Variants in SPMAP2L observed in about 807,000 individuals in gnomAD.
SPMAP2L encodes sperm microtubule associated protein 2 like.
At chr4:56,530,629 A>G in the SPMAP2L span, 6 of 1,508,304 alleles carry the variant, frequency 4.0e-6, no homozygotes, top group African/African-American at 2.8e-5. Context: ...CGCCTGGGCA[A>G]CCAGTCGGGA....
chr4:56,619,742 G>C, the SPMAP2L span, among the ~76,000 whole-genome samples: 3 of 152,274 alleles, frequency 2.0e-5, no homozygotes, highest in Non-Finnish European at 2.9e-5. Flanking sequence ...GAACTAAAAA[G>C]CTTCTGCAGA....
At chr4:56,563,765 CAT>C in the SPMAP2L span, among the ~76,000 whole-genome samples, 1 of 152,140 alleles carries the variant, frequency 6.6e-6, no homozygotes, top group African/African-American at 2.4e-5. Flanking sequence ...CATCCATAGA[CAT>C]TATGTACACT....
chr4:56,556,007 G>A, the SPMAP2L span, among the ~76,000 whole-genome samples: 1 of 152,074 alleles, frequency 6.6e-6, no homozygotes, highest in East Asian at 1.9e-4. Flanking sequence ...CACCCTATTT[G>A]AAAACAATAG....
At chr4:56,538,060 A>T in the SPMAP2L span, among the ~76,000 whole-genome samples, 1 of 152,218 alleles carries the variant, frequency 6.6e-6, no homozygotes, top group South Asian at 2.1e-4. Flanking sequence ...CTGCAGCCCT[A>T]TGGCTACCGC....
At chr4:56,615,607 G>A in the SPMAP2L span, among the ~76,000 whole-genome samples, 1 of 152,170 alleles carries the variant, frequency 6.6e-6, no homozygotes, top group Non-Finnish European at 1.5e-5. Flanking sequence ...AATTAGCTGG[G>A]CATGGTGGCG....
the SPMAP2L span, among the ~76,000 whole-genome samples, chr4:56,559,717 A>G: frequency 5.3e-5 from 8 of 151,954 alleles, no homozygotes; most frequent in African/African-American, 1.9e-4. Flanking sequence ...ACAGTCACAC[A>G]CCACCACACC....
chr4:56,549,006 T>A, the SPMAP2L span, among the ~76,000 whole-genome samples: 1 of 150,792 alleles, frequency 6.6e-6, no homozygotes. Flanking sequence ...TTTTTTTTTT[T>A]GAGACAGAGT....
the SPMAP2L span, among the ~76,000 whole-genome samples, chr4:56,559,960 G>A: frequency 6.6e-6 from 1 of 152,152 alleles, no homozygotes; most frequent in Admixed American, 6.5e-5. Flanking sequence ...GAGAATTAGG[G>A]ATTCTATATC....
the SPMAP2L span, among the ~76,000 whole-genome samples, chr4:56,561,360 C>A: frequency 6.6e-6 from 1 of 152,080 alleles, no homozygotes; most frequent in Non-Finnish European, 1.5e-5. Flanking sequence ...ATACCTGAAG[C>A]TGGGTAATTT....
At chr4:56,614,724 C>A in the SPMAP2L span, among the ~76,000 whole-genome samples, 1 of 152,274 alleles carries the variant, frequency 6.6e-6, no homozygotes. Flanking sequence ...GGATGAAACA[C>A]TTCTGAGTAC....
chr4:56,552,476 A>ATGGGGTTTGTT, the SPMAP2L span: 1 of 786,076 alleles, frequency 1.3e-6, no homozygotes, highest in South Asian at 1.5e-5. Context: ...CCCCCCTCCT[A>ATGGGGTTTGTT]TGAGCAGGAG....
chr4:56,554,937 CTTT>C, the SPMAP2L span, among the ~76,000 whole-genome samples: 5 of 93,398 alleles, frequency 5.4e-5, no homozygotes, highest in Admixed American at 1.2e-4. Flanking sequence ...ACTATCATTT[CTTT>C]TTTTTTTTTT....
chr4:56,543,947 A>T, the SPMAP2L span, among the ~76,000 whole-genome samples: 422 of 126,604 alleles, frequency 3.3e-3, 4 homozygotes, highest in African/African-American at 0.012. Flanking sequence ...AGAGAGAGAG[A>T]GAGTGTGTGT....
the SPMAP2L span, among the ~76,000 whole-genome samples, chr4:56,621,408 CA>C: frequency 6.6e-6 from 1 of 152,114 alleles, no homozygotes. Flanking sequence ...ATTTAGTTCA[CA>C]AGAATCAAAT....
chr4:56,620,587 G>T, the SPMAP2L span, among the ~76,000 whole-genome samples: 1 of 152,140 alleles, frequency 6.6e-6, no homozygotes, highest in East Asian at 1.9e-4. Context: ...GTTTCTCCAT[G>T]TTGGTCAGGC....
At chr4:56,597,552 A>G in the SPMAP2L span, among the ~76,000 whole-genome samples, 1 of 152,204 alleles carries the variant, frequency 6.6e-6, no homozygotes, top group Admixed American at 6.5e-5. Flanking sequence ...AAAGAAAACC[A>G]TTCTGGGAAT....
the SPMAP2L span, chr4:56,584,407 T>C: frequency 1.3e-5 from 10 of 759,958 alleles, no homozygotes; most frequent in Middle Eastern, 2.6e-4. Flanking sequence ...GTGTATATAA[T>C]CGATTAGAAG....
the SPMAP2L span, among the ~76,000 whole-genome samples, chr4:56,604,682 A>G: frequency 2.6e-5 from 4 of 152,220 alleles, no homozygotes; most frequent in African/African-American, 9.6e-5. Context: ...AAAGAAAAGA[A>G]AAGAAATTTA....
the SPMAP2L span, among the ~76,000 whole-genome samples, chr4:56,564,797 C>T: frequency 6.6e-6 from 1 of 152,070 alleles, no homozygotes; most frequent in Non-Finnish European, 1.5e-5. Flanking sequence ...CTGATACAGT[C>T]ATTAGTGTGA....
Sources: allele counts gnomAD v4.1 joint callset (sites outside exome capture counted in the v4.1 genomes callset), GRCh38; gene constraint gnomAD v4.1.1; transcripts MANE v1.5; gene names NCBI Gene and HGNC (gene_info 2026-07-23, HGNC 2026-07-21).